Variants in ZFYVE27 observed in about 807,000 individuals in gnomAD.
The protein encoded by ZFYVE27 is protrudin.
A neutral mutation model predicts 52.8 loss-of-function variants in ZFYVE27; 36 were observed. The ratio of observed to expected loss-of-function variants is 0.68; its 90% CI spans 0.52 to 0.90. The LOEUF (loss-of-function observed/expected upper bound fraction) is 0.90, where lower values mean the gene tolerates loss of function less well. ZFYVE27 is among the 40% of genes least tolerant of loss of function. The pLI, the probability that ZFYVE27 is intolerant of heterozygous loss-of-function variation, is 0.00. For missense variants in ZFYVE27, 450 were observed against 527.2 expected, an observed-to-expected ratio of 0.85 and a Z score of 1.43; for synonymous variants, 223 against 215.6, an observed-to-expected ratio of 1.03 and a Z score of -0.30.
At chr10:97,757,866 A>G (rs1297129322) in intron 12 of ZFYVE27, 143 bp downstream of exon 12, 2 of 690,820 alleles carry the variant, frequency 2.9e-6, no homozygotes, top group African/African-American at 3.6e-5. Flanking sequence ...CATCCCCTTT[A>G]GCAAAATCCT....
rs2049194188 is a variant in ZFYVE27 at position 97,759,434 on chromosome 10, T to G, written c.*134T>G. The G allele has an allele frequency of 3.4e-6, 3 of 871,608 alleles. No individual in the cohort carries two copies. The East Asian group carries it at 7.8e-5, about 23-fold the overall frequency. The allele number at this position is 871,608 out of a possible 1,614,324, so 54.0% of individuals were successfully genotyped here. ...AATGCTAGGTAGGCTTCCCCTTCCT[T>G]CCTCACTCTCTCCAGCTGGATTCTG... On this transcript the variant is annotated 3_prime_UTR_variant, in exon 13 of 13. Transcript: ENST00000684270.
chr10:97,741,387 A>G (rs373340127), intron 2 of ZFYVE27, among the ~76,000 whole-genome samples: 1 of 152,262 alleles, frequency 6.6e-6, no homozygotes, highest in East Asian at 1.9e-4. Context: ...GATAGACTGG[A>G]TAAAGAAAAC....
intron 12 of ZFYVE27, 41 bp downstream of exon 12, chr10:97,757,764 G>A (rs754898737): frequency 5.6e-6 from 9 of 1,594,818 alleles, no homozygotes; most frequent in African/African-American, 2.7e-5. Context: ...TTGGTATCCC[G>A]CCCAGGGGAT....
rs960747062 is a variant in ZFYVE27, at chr10:97,750,409, C to A, written c.743C>A (p.Pro248Gln). Residue 248 changes from proline (P) to glutamine (Q), a missense_variant, in exon 7 of 13, where the codon CCA becomes CAA. By Grantham distance (76) the Pro-to-Gln change is moderately conservative. Transcript: ENST00000684270. ...GAGCATGCCTTTGAGAGTCCTCCAC[C>A]ACCAGATGTTGGGGGGAAGGATGGT... ...QEEHAFESPPPPDVGGKDGLM... is the reference protein window; with the variant it reads ...QEEHAFESPPQPDVGGKDGLM... 9.3e-6 allele frequency: 15 copies of A among 1,614,050 alleles called. No individual in the cohort carries two copies. The highest frequency in any genetic ancestry group is 1.3e-5 in the Non-Finnish European group (15 of 1,180,038).
intron 3 of ZFYVE27, among the ~76,000 whole-genome samples, chr10:97,744,325 C>A (rs1462278260): frequency 6.6e-6 from 1 of 152,252 alleles, no homozygotes; most frequent in East Asian, 1.9e-4. Flanking sequence ...CTTCTAGCTT[C>A]CTTAGTGGCC....
chr10:97,739,379 A>G (rs576318815), intron 2 of ZFYVE27, among the ~76,000 whole-genome samples: 9 of 152,162 alleles, frequency 5.9e-5, no homozygotes, highest in African/African-American at 1.4e-4. Flanking sequence ...CATTTTTACT[A>G]ATTTATTGAG....
At chr10:97,754,567 G>A (rs565290018) in intron 10 of ZFYVE27, among the ~76,000 whole-genome samples, 7 of 152,030 alleles carry the variant, frequency 4.6e-5, no homozygotes, top group African/African-American at 1.7e-4. Flanking sequence ...CTTGTACCTT[G>A]GTCTTCCAAA....
At chr10:97,754,687 A>G in intron 10 of ZFYVE27, 2 of 1,289,252 alleles carry the variant, frequency 1.6e-6, no homozygotes, top group Non-Finnish European at 2.0e-6. Context: ...TTTACCCTCC[A>G]TACTTGCACA....
intron 4 of ZFYVE27, among the ~76,000 whole-genome samples, chr10:97,747,651 C>T (rs1038997395): frequency 2.6e-5 from 4 of 152,098 alleles, no homozygotes; most frequent in Non-Finnish European, 4.4e-5. Context: ...TTTGAGTTGG[C>T]TCTTGTTTGC....
intron 8 of ZFYVE27, 40 bp downstream of exon 8, chr10:97,751,502 A>G (rs777827618): frequency 1.2e-6 from 2 of 1,602,198 alleles, no homozygotes; most frequent in Admixed American, 3.3e-5. Context: ...TCAGCAGGCC[A>G]GAAATTGGGT....
rs890959772 is a variant in ZFYVE27 at position 97,738,807 on chromosome 10, G to T, written c.197+133G>T. 3 of 1,034,074 alleles carry T rather than the reference G, an allele frequency of 2.9e-6. 1 individual carries two copies. Among genetic ancestry groups the T allele is most frequent in the South Asian group, 2.7e-5 (2 of 75,444 alleles). The allele number at this position is 1,034,074 out of a possible 1,614,324, so 64.1% of individuals were successfully genotyped here. A position where few individuals can be genotyped will look rare whatever the true frequency, so the allele number is the denominator to read the frequency against. ...AGTGAGGAGCAGTTCTGGGAGGTCTGTTCGGCCTCTGGGTTTATCTAGGCC... is the reference window on the plus strand; with the variant it reads ...AGTGAGGAGCAGTTCTGGGAGGTCTTTTCGGCCTCTGGGTTTATCTAGGCC... On this transcript the variant is annotated intron_variant, in intron 2 of 12. Transcript: ENST00000684270.
intron 3 of ZFYVE27, among the ~76,000 whole-genome samples, chr10:97,743,436 A>G (rs2044288252): frequency 6.6e-6 from 1 of 152,180 alleles, no homozygotes; most frequent in Non-Finnish European, 1.5e-5. Context: ...CTCCTAGAGT[A>G]TTTGTGAGGA....
At chr10:97,757,529 C>A (rs1040978427) in intron 11 of ZFYVE27, 113 bp from the exon 12 acceptor site, 5 of 1,333,644 alleles carry the variant, frequency 3.7e-6, no homozygotes, top group Non-Finnish European at 5.4e-6. Flanking sequence ...CACTTGGGCA[C>A]CCCCCAGGCC....
chr10:97,744,713 G>GT lies in ZFYVE27; in HGVS notation c.269-11dup, dbSNP rs1564811621. On this transcript the variant is annotated splice_polypyrimidine_tract_variant and intron_variant, in intron 3 of 12. Transcript: ENST00000684270. The stretch of plus-strand genomic sequence containing the variant: ...TTTGCTTACCTGTGTTACCTGCAGT[G>GT]TTTTTGATTCTGCAGGTGCATGGTA... 2 of 1,612,980 alleles carry GT rather than the reference G, an allele frequency of 1.2e-6. No individual in the cohort carries two copies. Among genetic ancestry groups the GT allele is most frequent in the Non-Finnish European group, 1.7e-6 (2 of 1,179,938 alleles).
Position 97,757,649 on chromosome 10 carries a change from G to A in ZFYVE27, c.1097G>A (p.Cys366Tyr), listed in dbSNP as rs779824025. Residue 366 changes from cysteine to tyrosine, a missense_variant, in exon 12 of 13, where the codon TGC becomes TAC. Physicochemically the swap from Cys to Tyr is radical, Grantham distance 194. Transcript: ENST00000684270. ...TFSVLKKRRS[C>Y]SNCGNSFCSR... Reference sequence around the variant, plus strand: ...CTTGGCTCTTGTCTGCAGCGGAGCTGCAGTAATTGTGGAAACAGCTTCTGC... The same window carrying A: ...CTTGGCTCTTGTCTGCAGCGGAGCTACAGTAATTGTGGAAACAGCTTCTGC... 2 of 1,614,260 alleles carry A rather than the reference G, an allele frequency of 1.2e-6. No individual in the cohort carries two copies. The highest frequency in any genetic ancestry group is 2.2e-5 in the South Asian group (2 of 91,086).
intron 10 of ZFYVE27, chr10:97,754,638 G>A (rs1196622896): frequency 1.6e-6 from 2 of 1,284,062 alleles, no homozygotes; most frequent in Non-Finnish European, 2.0e-6. Context: ...TATGCTGCCT[G>A]CTGACTTCTG....
In ZFYVE27 at chr10:97,745,309, A is replaced by AGCTGGGACTACAG. The variant is rs376401174; in HGVS notation, c.455+397_455+409dup. ...ATTCTCCTGCCTCAGCCTCCCAAGT[A>AGCTGGGACTACAG]GCTGGGACTACAGGCACACACCACC... On this transcript the variant is annotated intron_variant, in intron 4 of 12. Coordinates refer to ENST00000684270, the MANE Select transcript of ZFYVE27 (RefSeq NM_001385875.1). Among the ~76,000 whole-genome samples, 597 of 152,110 alleles carry AGCTGGGACTACAG rather than the reference A, an allele frequency of 3.9e-3. 13 individuals carry two copies. The highest frequency in any genetic ancestry group is 0.014 in the African/African-American group (573 of 41,494).
intron 8 of ZFYVE27, among the ~76,000 whole-genome samples, chr10:97,751,901 T>TA (rs776781341): frequency 2.6e-5 from 4 of 152,234 alleles, no homozygotes; most frequent in Non-Finnish European, 5.9e-5. Context: ...CAGAGGAAGT[T>TA]AAACAGCTTT....
chr10:97,738,373 T>C, intron 1 of ZFYVE27, 104 bp from the exon 2 acceptor site: 1 of 1,280,506 alleles, frequency 7.8e-7, no homozygotes, highest in Non-Finnish European at 1.1e-6. Flanking sequence ...TAGTTCACTT[T>C]CCCTTGCTCA....
Sources: allele counts gnomAD v4.1 joint callset (sites outside exome capture counted in the v4.1 genomes callset), GRCh38; gene constraint gnomAD v4.1.1; transcripts MANE v1.5; gene names NCBI Gene and HGNC (gene_info 2026-07-23, HGNC 2026-07-21).